The following MED26 variants were observed in gnomAD, a reference collection of about 807,000 sequenced individuals.
The protein encoded by MED26 is mediator complex subunit 26, also known as mediator of RNA polymerase II transcription subunit 26.
Under a neutral mutation model 43.7 loss-of-function variants are expected in MED26, and 7 were observed. That is an observed-to-expected ratio of 0.16 (90% CI 0.09 to 0.30). The LOEUF (loss-of-function observed/expected upper bound fraction) is 0.30, where lower values mean the gene tolerates loss of function less well. Among genes scored for constraint, MED26 ranks in the 10% least tolerant of loss-of-function variants. The pLI, the probability that MED26 is intolerant of heterozygous loss-of-function variation, is 1.00. For synonymous variants in MED26, 375 were observed against 371.1 expected (o/e 1.01, Z -0.12); for missense variants, 784 against 840.6 (o/e 0.93, Z 0.83).
chr19:16,593,578 C>T (rs190546901), intron 1 of MED26, among the ~76,000 whole-genome samples: 114 of 152,346 alleles, frequency 7.5e-4, no homozygotes, highest in Middle Eastern at 3.4e-3. Flanking sequence ...CCCTCATCCA[C>T]GGTTGCTGGC....
At chr19:16,607,867 C>T (rs1295851850) in intron 1 of MED26, among the ~76,000 whole-genome samples, 1 of 152,262 alleles carries the variant, frequency 6.6e-6, no homozygotes, top group Non-Finnish European at 1.5e-5. Flanking sequence ...TGATACCCTG[C>T]CTCCCCTTCA....
intron 1 of MED26, among the ~76,000 whole-genome samples, chr19:16,596,792 T>C (rs1323147288): frequency 6.6e-6 from 1 of 152,190 alleles, no homozygotes; most frequent in East Asian, 1.9e-4. Flanking sequence ...TCCAGGTGTC[T>C]TGGGCAAAGT....
At chr19:16,584,901 C>G (rs990622544) in intron 1 of MED26, among the ~76,000 whole-genome samples, 3 of 152,212 alleles carry the variant, frequency 2.0e-5, no homozygotes, top group Non-Finnish European at 1.5e-5. Flanking sequence ...TCTAGAAGGA[C>G]TGGCAGCCAT....
At chr19:16,615,644 G>T (rs1288263436) in intron 1 of MED26, among the ~76,000 whole-genome samples, 2 of 152,074 alleles carry the variant, frequency 1.3e-5, no homozygotes, top group African/African-American at 4.8e-5. Flanking sequence ...AACTTGGGAG[G>T]CTGAGGCAGG....
Position 16,575,874 on chromosome 19 carries a change from G to A in MED26, c.*153C>T, listed in dbSNP as rs2085992552. ...GAGTTTTGAGGGAAGAGCGCAGAGA[G>A]ACCGCGTGACTCCCGCCCCCTCCCT... is the stretch of plus-strand genomic sequence containing the variant. On this transcript the variant is annotated 3_prime_UTR_variant, in exon 3 of 3. Coordinates refer to ENST00000263390, the MANE Select transcript of MED26 (RefSeq NM_004831.5). 1.6e-6 allele frequency: 1 copy of A among 640,100 alleles called. No homozygotes were observed. The highest frequency in any genetic ancestry group is 2.7e-6 in the Non-Finnish European group (1 of 370,048). 39.7% of individuals were successfully genotyped at this position (640,100 alleles called of 1,614,324 possible).
Position 16,576,327 on chromosome 19 carries a change from G to C in MED26, c.1503C>G (p.Gly501=), listed in dbSNP as rs139574151. The C allele has an allele frequency of 1.2e-6, 2 of 1,613,732 alleles. No individual in the cohort carries two copies. Among genetic ancestry groups the C allele is most frequent in the Non-Finnish European group, 1.7e-6 (2 of 1,180,024 alleles). The change falls in exon 3 of 3, where the codon GGC becomes GGG. Residue 501 remains glycine, a synonymous_variant. Coordinates refer to ENST00000263390, the MANE Select transcript of MED26 (RefSeq NM_004831.5). This position sits in a 1 kb window ranked among gnomAD's most constrained non-coding sequence, Gnocchi z 6.8. ...AGTGGTGAGCCCCTGGGGTCTGCGCGCCCGATGATGAGAGCAGGCTGCTCT... is the reference window on the plus strand; with the variant it reads ...AGTGGTGAGCCCCTGGGGTCTGCGCCCCCGATGATGAGAGCAGGCTGCTCT... The part of the protein sequence containing the change: ...SRQSSLLSSS[G]AQTPGAHHFM...
At chr19:16,579,625 A>G (rs1167917595) in intron 1 of MED26, among the ~76,000 whole-genome samples, 1 of 152,164 alleles carries the variant, frequency 6.6e-6, no homozygotes, top group African/African-American at 2.4e-5. Flanking sequence ...CAGCAACTAC[A>G]GGTTTCTGGT....
intron 1 of MED26, among the ~76,000 whole-genome samples, chr19:16,596,097 A>T (rs1345590277): frequency 1.3e-5 from 2 of 152,010 alleles, no homozygotes; most frequent in East Asian, 1.9e-4. Flanking sequence ...TGCAGCTTCG[A>T]CCTCACTTGA....
intron 1 of MED26, among the ~76,000 whole-genome samples, chr19:16,618,342 A>T (rs2086235301): frequency 6.6e-6 from 1 of 152,074 alleles, no homozygotes; most frequent in Non-Finnish European, 1.5e-5. Flanking sequence ...ACCAGGAGAG[A>T]CTGTCAAGAC....
At chr19:16,602,387 A>T (rs1420953990) in intron 1 of MED26, among the ~76,000 whole-genome samples, 1 of 151,602 alleles carries the variant, frequency 6.6e-6, no homozygotes, top group Non-Finnish European at 1.5e-5. Flanking sequence ...CATCCCCACT[A>T]CCCTCTCCCC....
chr19:16,623,083 G>A (rs575407783), intron 1 of MED26, among the ~76,000 whole-genome samples: 1 of 152,224 alleles, frequency 6.6e-6, no homozygotes, highest in African/African-American at 2.4e-5. Context: ...AGGGCTCTGG[G>A]ACCTCCAACC....
At position 16,577,555 on chromosome 19, in the gene MED26, G is replaced by T; in HGVS notation, c.275C>A (p.Ala92Glu). The T allele has an allele frequency of 6.2e-7, 1 of 1,608,754 alleles. No homozygotes were observed. The highest frequency in any genetic ancestry group is 8.5e-7 in the Non-Finnish European group (1 of 1,176,752). Residue 92 changes from alanine to glutamate, a missense_variant, in exon 3 of 3, where the codon GCG becomes GAG. By Grantham distance (107) the Ala-to-Glu change is moderately radical. Coordinates refer to ENST00000263390, the MANE Select transcript of MED26 (RefSeq NM_004831.5). This position sits in a 1 kb window ranked among gnomAD's most constrained non-coding sequence, Gnocchi z 8.1. ...GGCCCCCGCCAGCCCCCGCAGCGCC[G>T]CCTCATGCTGGTGTGCCGGCTCGAT... ...KLIEPAHQHEAALRGLAGATG... is the reference protein window; with the variant it reads ...KLIEPAHQHEEALRGLAGATG...
chr19:16,608,929 G>C (rs1382256539), intron 1 of MED26, among the ~76,000 whole-genome samples: 1 of 152,154 alleles, frequency 6.6e-6, no homozygotes, highest in Admixed American at 6.5e-5. Flanking sequence ...CATTACATTG[G>C]GAACAGGACA....
chr19:16,575,932 G>C lies in MED26; in HGVS notation c.*95C>G, dbSNP rs937808845. On this transcript the variant is annotated 3_prime_UTR_variant, in exon 3 of 3. Transcript: ENST00000263390. ...GGGCCGGACTCCCCGAGTTCCCAGCGCAGGAGGCAGCTGGGCCCCGGCCAC... is the reference window on the plus strand; with the variant it reads ...GGGCCGGACTCCCCGAGTTCCCAGCCCAGGAGGCAGCTGGGCCCCGGCCAC... The C allele has an allele frequency of 1.8e-6, 2 of 1,101,484 alleles. No homozygotes were observed. The highest frequency in any genetic ancestry group is 2.6e-6 in the Non-Finnish European group (2 of 767,940). The allele number at this position is 1,101,484 out of a possible 1,614,324, so 68.2% of individuals were successfully genotyped here. A position where few individuals can be genotyped will look rare whatever the true frequency, so the allele number is the denominator to read the frequency against.
rs944111590 is a variant in MED26 at position 16,575,334 on chromosome 19, A to G, written c.*693T>C. 2 of 152,688 alleles carry G rather than the reference A, an allele frequency of 1.3e-5. No homozygotes were observed. The highest frequency in any genetic ancestry group is 4.8e-5 in the African/African-American group (2 of 41,462). 9.5% of individuals were successfully genotyped at this position (152,688 alleles called of 1,614,324 possible). On this transcript the variant is annotated 3_prime_UTR_variant, in exon 3 of 3. Transcript: ENST00000263390. Reference sequence around the variant, plus strand: ...AGGAATTGTTTAAAATAAACATGAGAAAACTTAAATTTTTGCAGCATTTCT... The same window carrying G: ...AGGAATTGTTTAAAATAAACATGAGGAAACTTAAATTTTTGCAGCATTTCT...
rs2086063087 is a variant in MED26, at chr19:16,584,744, A to C, written c.73-6335T>G. On this transcript the variant is annotated intron_variant, in intron 1 of 2. Transcript: ENST00000263390. ...CCCTAGGGTGAGTGACAGGAGGGGG[A>C]TGGGTGAAACAAAGTCACATGGCTG... Among the ~76,000 whole-genome samples, 6 of 152,190 alleles carry C rather than the reference A, an allele frequency of 3.9e-5. No individual in the cohort carries two copies. In the South Asian group the frequency reaches 1.2e-3, roughly 32 times the overall value.
Position 16,575,888 on chromosome 19 carries a change from C to T in MED26, c.*139G>A, listed in dbSNP as rs2085992821. ...GAGCGCAGAGAGACCGCGTGACTCC[C>T]GCCCCCTCCCTCCCGCCTGGGCCGG... is the stretch of plus-strand genomic sequence containing the variant. On this transcript the variant is annotated 3_prime_UTR_variant, in exon 3 of 3. Transcript: ENST00000263390. 8.7e-6 allele frequency: 6 copies of T among 686,330 alleles called. No homozygotes were observed. Among genetic ancestry groups the T allele is most frequent in the African/African-American group, 1.8e-5 (1 of 55,238 alleles). 42.5% of individuals were successfully genotyped at this position (686,330 alleles called of 1,614,324 possible). A position where few individuals can be genotyped will look rare whatever the true frequency, so the allele number is the denominator to read the frequency against.
chr19:16,621,083 C>T (rs2086249488), intron 1 of MED26, among the ~76,000 whole-genome samples: 1 of 152,212 alleles, frequency 6.6e-6, no homozygotes, highest in Non-Finnish European at 1.5e-5. Context: ...TGCAAGGGTA[C>T]ACCTTGGAAG....
rs146980087 is a variant in MED26, at chr19:16,605,996, T to G, written c.72+21876A>C. Among the ~76,000 whole-genome samples the G allele has an allele frequency of 5.9e-5, 9 of 152,354 alleles. No individual in the cohort carries two copies. The East Asian group carries it at 1.7e-3, about 29-fold the overall frequency. On this transcript the variant is annotated intron_variant, in intron 1 of 2. Transcript: ENST00000263390. ...TCATCCAGACAGGCCAGTTTTCCCC[T>G]TCTTCCTTCACTCAAAACTGAGGCC...
Sources: allele counts gnomAD v4.1 joint callset (sites outside exome capture counted in the v4.1 genomes callset), GRCh38; gene constraint gnomAD v4.1.1; non-coding constraint Gnocchi (gnomAD v3.1); transcripts MANE v1.5; gene names NCBI Gene and HGNC (gene_info 2026-07-23, HGNC 2026-07-21).